The following KCNH8 variants were observed in gnomAD, a reference collection of about 807,000 sequenced individuals.
The protein encoded by KCNH8 is voltage-gated delayed rectifier potassium channel KCNH8.
A neutral mutation model predicts 103.6 loss-of-function variants in KCNH8; 70 were observed. The observed-to-expected ratio is 0.68, with a 90% CI of 0.56 to 0.82. The LOEUF (loss-of-function observed/expected upper bound fraction) is 0.82. Among genes scored for constraint, KCNH8 ranks in the 40% least tolerant of loss-of-function variants. The probability of loss-of-function intolerance (pLI) is 0.00; values close to 1 mark genes in which losing one functional copy is unlikely to be tolerated. For synonymous variants in KCNH8, 498 were observed against 489.4 expected (o/e 1.02, Z -0.23); for missense variants, 1,217 against 1,329.9 (o/e 0.92, Z 1.32).
intron 10 of KCNH8, among the ~76,000 whole-genome samples, chr3:19,452,353 C>G (rs559397668): frequency 1.1e-4 from 17 of 152,176 alleles, no homozygotes; most frequent in African/African-American, 3.9e-4. Flanking sequence ...CCACTGAACT[C>G]CAGCCTGAGT....
At chr3:19,331,221 T>G (rs2065501351) in intron 3 of KCNH8, among the ~76,000 whole-genome samples, 2 of 150,988 alleles carry the variant, frequency 1.3e-5, no homozygotes, top group East Asian at 3.9e-4. Context: ...AGATTTAGAT[T>G]TTGAGATGGA....
At chr3:19,401,543 G>C (rs980217292) in intron 7 of KCNH8, among the ~76,000 whole-genome samples, 5 of 151,928 alleles carry the variant, frequency 3.3e-5, no homozygotes, top group African/African-American at 7.2e-5. Context: ...CATTTTAAAA[G>C]TTTTGTCAAT....
chr3:19,338,039 T>C (rs1331228250), intron 3 of KCNH8, among the ~76,000 whole-genome samples: 1 of 151,820 alleles, frequency 6.6e-6, no homozygotes, highest in East Asian at 1.9e-4. Context: ...CTTATTCAAG[T>C]CGCTACAAAT....
At chr3:19,173,318 G>A (rs1490107999) in intron 1 of KCNH8, among the ~76,000 whole-genome samples, 1 of 152,152 alleles carries the variant, frequency 6.6e-6, no homozygotes, top group South Asian at 2.1e-4. Context: ...CAATGGTGGT[G>A]GTGGTGGGTT....
intron 3 of KCNH8, among the ~76,000 whole-genome samples, chr3:19,336,778 T>A (rs2065590528): frequency 6.6e-6 from 1 of 152,002 alleles, no homozygotes; most frequent in African/African-American, 2.4e-5. Flanking sequence ...CATCTTGAAC[T>A]AGAAGTTTCT....
At chr3:19,337,399 A>AT (rs1559482091) in intron 3 of KCNH8, among the ~76,000 whole-genome samples, 1 of 151,880 alleles carries the variant, frequency 6.6e-6, no homozygotes, top group African/African-American at 2.4e-5. Context: ...CATAACTTTA[A>AT]TTTTTTTCCT....
In KCNH8 at chr3:19,503,671, C is replaced by T. The variant is rs528849281; in HGVS notation, c.2041-6692C>T. ...GAAATCATCATTCTCAGTAAACTAT[C>T]TCAAGAACAAAAAACCAAACACCGC... On this transcript the variant is annotated intron_variant, in intron 11 of 15. Coordinates refer to ENST00000328405, the MANE Select transcript of KCNH8 (RefSeq NM_144633.3). Among the ~76,000 whole-genome samples, 20 of 151,510 alleles carry T rather than the reference C, an allele frequency of 1.3e-4. No homozygotes were observed. The East Asian group carries it at 1.8e-3, about 13-fold the overall frequency.
intron 3 of KCNH8, among the ~76,000 whole-genome samples, chr3:19,283,801 G>T (rs1186867590): frequency 6.6e-6 from 1 of 151,146 alleles, no homozygotes; most frequent in East Asian, 1.9e-4. Context: ...AATTAGCCAG[G>T]TCATGGTGGT....
intron 11 of KCNH8, among the ~76,000 whole-genome samples, chr3:19,471,336 G>A (rs561304646): frequency 5.3e-5 from 8 of 152,246 alleles, no homozygotes; most frequent in South Asian, 4.1e-4. Context: ...CCAGGAATCC[G>A]CATACCTGCT....
chr3:19,171,486 A>G (rs1054964466), intron 1 of KCNH8, among the ~76,000 whole-genome samples: 3 of 152,256 alleles, frequency 2.0e-5, no homozygotes, highest in African/African-American at 4.8e-5. Context: ...TCAAGTTGTC[A>G]TCTTTTAAGG....
At chr3:19,398,935 G>T (rs1200619423) in intron 7 of KCNH8, among the ~76,000 whole-genome samples, 1 of 151,884 alleles carries the variant, frequency 6.6e-6, no homozygotes, top group Non-Finnish European at 1.5e-5. Flanking sequence ...TTTGGTGCTG[G>T]ACAAAAATTA....
At chr3:19,457,092 C>T in intron 11 of KCNH8, 110 bp downstream of exon 11, 1 of 644,286 alleles carries the variant, frequency 1.6e-6, no homozygotes, top group Non-Finnish European at 2.6e-6. Flanking sequence ...CTCTGAATAT[C>T]TAAGACGTGA....
chr3:19,317,272 A>G (rs1264333080), intron 3 of KCNH8, among the ~76,000 whole-genome samples: 1 of 151,946 alleles, frequency 6.6e-6, no homozygotes, highest in Non-Finnish European at 1.5e-5. Flanking sequence ...ACGTTTTTAA[A>G]TTAATTTTCA....
chr3:19,427,151 A>G (rs1007041479), intron 7 of KCNH8, among the ~76,000 whole-genome samples: 7 of 152,174 alleles, frequency 4.6e-5, no homozygotes, highest in Non-Finnish European at 7.3e-5. Flanking sequence ...ATATCCTTCA[A>G]TGTTTAAAGG....
At chr3:19,475,954 G>T (rs936851351) in intron 11 of KCNH8, among the ~76,000 whole-genome samples, 1 of 152,094 alleles carries the variant, frequency 6.6e-6, no homozygotes, top group African/African-American at 2.4e-5. Context: ...CACCAATTTT[G>T]AGTACAATAC....
chr3:19,362,002 C>A (rs1318760149), intron 5 of KCNH8, among the ~76,000 whole-genome samples: 1 of 151,970 alleles, frequency 6.6e-6, no homozygotes, highest in Admixed American at 6.6e-5. Flanking sequence ...TGTAAATGGG[C>A]AAAGAAGTAG....
chr3:19,339,852 C>G (rs1339950299), intron 3 of KCNH8, among the ~76,000 whole-genome samples: 1 of 151,854 alleles, frequency 6.6e-6, no homozygotes, highest in East Asian at 1.9e-4. Context: ...GGAGTGAAGT[C>G]TCAGATGGAC....
chr3:19,480,068 G>T (rs1276014429), intron 11 of KCNH8, among the ~76,000 whole-genome samples: 1 of 152,164 alleles, frequency 6.6e-6, no homozygotes, highest in Non-Finnish European at 1.5e-5. Flanking sequence ...CTTATTGAGA[G>T]GACATTCTCA....
At chr3:19,181,959 C>T (rs189715724) in intron 1 of KCNH8, among the ~76,000 whole-genome samples, 158 of 152,098 alleles carry the variant, frequency 1.0e-3, no homozygotes, top group Middle Eastern at 3.4e-3. Context: ...CAGTGTTGTG[C>T]GTGACATTTG....
Sources: gnomAD v4.1 joint callset for allele counts (sites outside exome capture counted in the v4.1 genomes callset) on GRCh38, gnomAD v4.1.1 for gene constraint, MANE v1.5 for transcripts, NCBI Gene and HGNC (gene_info 2026-07-23, HGNC 2026-07-21) for gene names.